RSF1: variants seen among roughly 807,000 people sequenced by gnomAD.
RSF1 encodes remodeling and spacing factor 1.
RSF1 carries 13 observed loss-of-function variants against 145.2 expected under a neutral mutation model. The observed-to-expected ratio is 0.09, with a 90% confidence interval of 0.06 to 0.14. RSF1 has a LOEUF of 0.14. Among genes scored for constraint, RSF1 ranks in the 10% least tolerant of loss-of-function variants. RSF1 has a pLI of 1.00. For synonymous variants in RSF1, 577 were observed against 592.6 expected (o/e 0.97, Z 0.38); for missense variants, 1,517 against 1,718.2 (o/e 0.88, Z 2.07).
intron 8 of RSF1, among the ~76,000 whole-genome samples, chr11:77,691,472 G>T (rs977724345): frequency 6.6e-6 from 1 of 152,106 alleles, no homozygotes; most frequent in Non-Finnish European, 1.5e-5. Context: ...CAAAAGAAAC[G>T]GATTCTGTGC....
intron 5 of RSF1, among the ~76,000 whole-genome samples, chr11:77,707,137 T>C (rs1960570214): frequency 6.6e-6 from 1 of 152,234 alleles, no homozygotes; most frequent in African/African-American, 2.4e-5. Context: ...ATTATAATTA[T>C]TTATTTACAA....
At chr11:77,810,306 T>C (rs189953654) in intron 1 of RSF1, among the ~76,000 whole-genome samples, 2 of 152,302 alleles carry the variant, frequency 1.3e-5, no homozygotes, top group African/African-American at 2.4e-5. Context: ...ATGGCTCCCA[T>C]CCTGGCATTG....
At chr11:77,782,659 A>AG (rs1259492918) in intron 1 of RSF1, among the ~76,000 whole-genome samples, 1 of 152,166 alleles carries the variant, frequency 6.6e-6, no homozygotes, top group Non-Finnish European at 1.5e-5. Flanking sequence ...AATAGGGTAG[A>AG]GGGGAAAAAA....
chr11:77,784,004 G>T (rs986612338), intron 1 of RSF1, among the ~76,000 whole-genome samples: 2 of 152,212 alleles, frequency 1.3e-5, no homozygotes, highest in Admixed American at 1.3e-4. Flanking sequence ...GTTTGTCTGT[G>T]TTTGTCGTAC....
At position 77,667,362 on chromosome 11, in the gene RSF1, T is replaced by G. The variant is rs1330760258; in HGVS notation, c.3881A>C (p.Lys1294Thr). 1 of 1,613,850 alleles carries G rather than the reference T, an allele frequency of 6.2e-7. No individual in the cohort carries two copies. The highest frequency in any genetic ancestry group is 8.5e-7 in the Non-Finnish European group (1 of 1,179,932). ...CCGGTGTAGCCGTTTGCGGGATGGTTTGCCTTCCTCTTCCTCCTCCTCCTC... is the reference window on the plus strand; with the variant it reads ...CCGGTGTAGCCGTTTGCGGGATGGTGTGCCTTCCTCTTCCTCCTCCTCCTC... ...ADEEEEEEEGKPSRKRLHRIE... is the reference protein window; with the variant it reads ...ADEEEEEEEGTPSRKRLHRIE... Residue 1294 changes from lysine (K) to threonine (T), a missense_variant, in exon 16 of 16, where the codon AAA becomes ACA. This residue lies in a region of RSF1 where 240 missense variants were observed against 231.8 expected (regional missense o/e 1.04). Transcript: ENST00000308488.
intron 9 of RSF1, among the ~76,000 whole-genome samples, chr11:77,686,496 T>C (rs1235307897): frequency 2.0e-5 from 3 of 150,910 alleles, no homozygotes; most frequent in African/African-American, 7.3e-5. Flanking sequence ...GACATGCCTC[T>C]GTATGTTAAA....
At chr11:77,762,723 G>A (rs1289135444) in intron 2 of RSF1, 1 of 152,190 alleles carries the variant, frequency 6.6e-6, no homozygotes, top group Non-Finnish European at 1.5e-5. Flanking sequence ...GGTAATGTCT[G>A]CTATGAGCAA....
chr11:77,678,253 T>G, intron 11 of RSF1, 100 bp from the exon 12 acceptor site: 2 of 649,062 alleles, frequency 3.1e-6, no homozygotes, highest in Non-Finnish European at 4.5e-6. Flanking sequence ...AGTCTCTCTT[T>G]GTTGCCAGGC....
At chr11:77,736,203 C>T (rs531967005) in intron 4 of RSF1, among the ~76,000 whole-genome samples, 2 of 152,322 alleles carry the variant, frequency 1.3e-5, no homozygotes, top group African/African-American at 2.4e-5. Context: ...CGTTCTTGCT[C>T]CTGTCAAATT....
intron 1 of RSF1, chr11:77,813,456 A>G: frequency 8.4e-7 from 1 of 1,185,456 alleles, no homozygotes; most frequent in South Asian, 1.2e-5. Flanking sequence ...CCCACGTCTT[A>G]GAACCTTCAC....
chr11:77,788,313 G>C (rs12272901), intron 1 of RSF1, among the ~76,000 whole-genome samples: 1 of 150,068 alleles, frequency 6.7e-6, no homozygotes, highest in Non-Finnish European at 1.5e-5. Context: ...AGAATCAGTA[G>C]AAAAAGACAT....
the RSF1 span, among the ~76,000 whole-genome samples, chr11:77,860,298 C>T: frequency 6.6e-6 from 1 of 152,188 alleles, no homozygotes; most frequent in African/African-American, 2.4e-5. Context: ...CTGGCTATTT[C>T]ACCATACCTG....
intron 1 of RSF1, among the ~76,000 whole-genome samples, chr11:77,808,079 A>T (rs1948694835): frequency 6.6e-6 from 1 of 152,192 alleles, no homozygotes; most frequent in Non-Finnish European, 1.5e-5. Flanking sequence ...CACACCTGTA[A>T]TCCCAGCACT....
chr11:77,791,737 CATT>C (rs908493880), intron 1 of RSF1, among the ~76,000 whole-genome samples: 16 of 152,300 alleles, frequency 1.1e-4, no homozygotes, highest in South Asian at 2.1e-4. Context: ...CAAGAATCAT[CATT>C]GTTTCAGTTC....
chr11:77,810,814 CAG>C lies in RSF1; in HGVS notation c.187+9712_187+9713del, dbSNP rs199976695. The stretch of plus-strand genomic sequence containing the variant: ...CTGGTTCTAAATGTATTTTCAAAAA[CAG>C]AGATCATCATCTGATAAGACTTCCA... On this transcript the variant is annotated intron_variant, in intron 1 of 15. Transcript: ENST00000308488. 2.6e-5 allele frequency among the ~76,000 whole-genome samples: 4 copies of C among 152,344 alleles called. No homozygotes were observed. In the East Asian group the frequency reaches 5.8e-4, roughly 22 times the overall value.
At chr11:77,678,460 G>A (rs1432043706) in intron 11 of RSF1, among the ~76,000 whole-genome samples, 1 of 152,026 alleles carries the variant, frequency 6.6e-6, no homozygotes, top group Admixed American at 6.6e-5. Flanking sequence ...TGATCTGCCC[G>A]CCTCAGTCTC....
chr11:77,697,338 T>C (rs961997277), intron 7 of RSF1, among the ~76,000 whole-genome samples: 3 of 151,490 alleles, frequency 2.0e-5, no homozygotes, highest in African/African-American at 7.3e-5. Context: ...AGCTGGAGTT[T>C]GCCTTTAAAG....
At chr11:77,778,903 C>T (rs759142169) in intron 1 of RSF1, among the ~76,000 whole-genome samples, 1 of 152,132 alleles carries the variant, frequency 6.6e-6, no homozygotes, top group African/African-American at 2.4e-5. Context: ...TTTCTTTAGT[C>T]CCTAAGTTAT....
At chr11:77,788,582 T>C (rs1251903518) in intron 1 of RSF1, among the ~76,000 whole-genome samples, 1 of 150,228 alleles carries the variant, frequency 6.7e-6, no homozygotes, top group Non-Finnish European at 1.5e-5. Context: ...AAAACTGCCT[T>C]AGTCTAGTGA....
Sources: allele counts gnomAD v4.1 joint callset (sites outside exome capture counted in the v4.1 genomes callset), GRCh38; gene constraint gnomAD v4.1.1; regional missense constraint gnomAD v4.1.1; transcripts MANE v1.5; gene names NCBI Gene and HGNC (gene_info 2026-07-23, HGNC 2026-07-21).